The following PSD3 variants were observed in gnomAD, a reference collection of about 807,000 sequenced individuals.
PSD3 encodes the protein pleckstrin and Sec7 domain containing 3, also known as PH and SEC7 domain-containing protein 3.
A neutral mutation model predicts 105.5 loss-of-function variants in PSD3; 49 were observed. That is an observed-to-expected ratio of 0.46 (90% CI 0.37 to 0.59). PSD3 has a LOEUF of 0.59. PSD3 is among the 20% of genes least tolerant of loss of function. The pLI, the probability that PSD3 is intolerant of heterozygous loss-of-function variation, is 0.00. For synonymous variants in PSD3, 557 were observed against 457.8 expected, an observed-to-expected ratio of 1.22 and a Z score of -2.77; for missense variants, 1,561 against 1,263.8, an observed-to-expected ratio of 1.24 and a Z score of -3.57.
chr8:18,690,430 C>G (rs1800909855), intron 9 of PSD3, among the ~76,000 whole-genome samples: 8 of 152,198 alleles, frequency 5.3e-5, no homozygotes, highest in Admixed American at 4.6e-4. Context: ...TCAAAACGTA[C>G]TGCTTTATTT....
chr8:18,779,565 G>T (rs1031862701), intron 8 of PSD3, among the ~76,000 whole-genome samples: 1 of 151,704 alleles, frequency 6.6e-6, no homozygotes, highest in South Asian at 2.1e-4. Context: ...CTTTCTTCAT[G>T]TAAGTATTTG....
chr8:19,017,206 C>G (rs561390763), upstream of PSD3, among the ~76,000 whole-genome samples: 1 of 152,080 alleles, frequency 6.6e-6, no homozygotes, highest in African/African-American at 2.4e-5. Context: ...GCACACACCA[C>G]CAGACCCAGC....
chr8:19,048,089 C>A (rs563267874), intron 1 of PSD3, among the ~76,000 whole-genome samples: 2 of 152,290 alleles, frequency 1.3e-5, no homozygotes, highest in East Asian at 1.9e-4. Context: ...AGAGCCAGGG[C>A]AGACAGTTTT....
intron 2 of PSD3, among the ~76,000 whole-genome samples, chr8:18,930,850 G>A (rs1189762124): frequency 1.3e-5 from 2 of 152,144 alleles, no homozygotes; most frequent in Non-Finnish European, 2.9e-5. Flanking sequence ...TTACAGGCAT[G>A]AGCCACTGCG....
chr8:18,890,743 G>C (rs1430675995), intron 2 of PSD3, among the ~76,000 whole-genome samples: 1 of 151,748 alleles, frequency 6.6e-6, no homozygotes, highest in Non-Finnish European at 1.5e-5. Flanking sequence ...TCATTGTCTT[G>C]AGTTACTGAG....
At chr8:18,543,110 G>T (rs1190935738) in intron 15 of PSD3, among the ~76,000 whole-genome samples, 2 of 151,960 alleles carry the variant, frequency 1.3e-5, no homozygotes, top group African/African-American at 4.8e-5. Context: ...TCTTGGACCT[G>T]GCCCATTCAG....
intron 1 of PSD3, among the ~76,000 whole-genome samples, chr8:19,027,587 A>G (rs187559498): frequency 1.5e-3 from 229 of 152,266 alleles, no homozygotes; most frequent in Non-Finnish European, 1.8e-3. Context: ...CCACGCCCCT[A>G]TGTCAGCAAT....
At chr8:18,589,386 G>A (rs1054541066) in intron 12 of PSD3, among the ~76,000 whole-genome samples, 4 of 152,010 alleles carry the variant, frequency 2.6e-5, no homozygotes, top group Non-Finnish European at 5.9e-5. Flanking sequence ...GTGATCTTTG[G>A]GTTTCAGCTA....
At chr8:18,981,463 A>T (rs1441951832) in intron 1 of PSD3, among the ~76,000 whole-genome samples, 2 of 152,174 alleles carry the variant, frequency 1.3e-5, no homozygotes, top group Non-Finnish European at 2.9e-5. Context: ...TGTCTTTGGA[A>T]AATAGAGATA....
intron 2 of PSD3, among the ~76,000 whole-genome samples, chr8:18,926,283 T>A: frequency 6.6e-6 from 1 of 151,886 alleles, no homozygotes; most frequent in East Asian, 1.9e-4. Context: ...TCAGCATACA[T>A]GAACTTTCTT....
intron 1 of PSD3, among the ~76,000 whole-genome samples, chr8:19,043,227 G>A (rs773453034): frequency 7.2e-5 from 11 of 152,144 alleles, no homozygotes; most frequent in Non-Finnish European, 1.6e-4. Context: ...AAATGGCTGT[G>A]GTAAAAATTT....
intron 15 of PSD3, among the ~76,000 whole-genome samples, chr8:18,543,453 C>G (rs923990390): frequency 6.6e-6 from 1 of 151,614 alleles, no homozygotes; most frequent in South Asian, 2.1e-4. Context: ...TCTCTACTAA[C>G]AAAAATACAA....
chr8:18,553,210 GA>G (rs1327607358), intron 15 of PSD3, among the ~76,000 whole-genome samples: 1 of 152,162 alleles, frequency 6.6e-6, no homozygotes, highest in Non-Finnish European at 1.5e-5. Flanking sequence ...GAATTGCTTT[GA>G]AACCAAGGGA....
chr8:18,549,373 G>A (rs2073236506), intron 15 of PSD3, among the ~76,000 whole-genome samples: 1 of 151,934 alleles, frequency 6.6e-6, no homozygotes, highest in African/African-American at 2.4e-5. Flanking sequence ...CAGAGATGGG[G>A]TTTCTTTGTA....
intron 1 of PSD3, among the ~76,000 whole-genome samples, chr8:19,002,135 T>C (rs1826431878): frequency 6.6e-6 from 1 of 152,000 alleles, no homozygotes; most frequent in Admixed American, 6.6e-5. Flanking sequence ...GAAGGCAAAA[T>C]GAAACTGTTC....
chr8:18,608,988 C>CT (rs950764399), intron 11 of PSD3, among the ~76,000 whole-genome samples: 138 of 152,102 alleles, frequency 9.1e-4, no homozygotes, highest in Non-Finnish European at 1.1e-3. Context: ...CCCTGATCAT[C>CT]TTTTTTTTCC....
intron 2 of PSD3, among the ~76,000 whole-genome samples, chr8:18,922,613 G>A (rs1387441967): frequency 6.6e-6 from 1 of 152,112 alleles, no homozygotes; most frequent in Non-Finnish European, 1.5e-5. Context: ...ACTCGAGACA[G>A]TATTAGATCC....
At chr8:18,587,349 G>A (rs1054912980) in intron 12 of PSD3, among the ~76,000 whole-genome samples, 3 of 152,108 alleles carry the variant, frequency 2.0e-5, no homozygotes, top group Non-Finnish European at 4.4e-5. Context: ...CAGTTCTTTC[G>A]TAAATGGGAC....
chr8:18,873,064 T>C (rs1817497596), intron 2 of PSD3, among the ~76,000 whole-genome samples: 1 of 152,214 alleles, frequency 6.6e-6, no homozygotes, highest in African/African-American at 2.4e-5. Context: ...AATAAGGATA[T>C]GTACCAACTT....
Sources: gnomAD v4.1 joint callset for allele counts (sites outside exome capture counted in the v4.1 genomes callset) on GRCh38, gnomAD v4.1.1 for gene constraint, MANE v1.5 for transcripts, NCBI Gene and HGNC (gene_info 2026-07-23, HGNC 2026-07-21) for gene names.